The following CREBBP variants were observed in gnomAD, a reference collection of about 807,000 sequenced individuals.
CREBBP encodes CREB binding lysine acetyltransferase, also known as CREB-binding protein.
In CREBBP, 19 loss-of-function variants were observed where a neutral mutation model predicts 265.0. The ratio of observed to expected loss-of-function variants is 0.07; its 90% confidence interval spans 0.05 to 0.11. The LOEUF (loss-of-function observed/expected upper bound fraction) is 0.11, where lower values mean the gene tolerates loss of function less well. Among genes scored for constraint, CREBBP ranks in the 10% least tolerant of loss-of-function variants. The probability of loss-of-function intolerance (pLI) is 1.00; values close to 1 mark genes in which losing one functional copy is unlikely to be tolerated. For synonymous variants in CREBBP, 1,457 were observed against 1,223.7 expected (o/e 1.19, Z -3.98); for missense variants, 2,525 against 3,219.0 (o/e 0.78, Z 5.22).
At chr16:3,755,924 T>C (rs192893265) in intron 19 of CREBBP, among the ~76,000 whole-genome samples, 29 of 152,300 alleles carry the variant, frequency 1.9e-4, no homozygotes, top group Admixed American at 1.5e-3. Context: ...TTATTCCTAA[T>C]AGAAAAGGCT....
At chr16:3,875,355 A>C (rs2055378385) in intron 1 of CREBBP, among the ~76,000 whole-genome samples, 1 of 152,150 alleles carries the variant, frequency 6.6e-6, no homozygotes, top group South Asian at 2.1e-4. Flanking sequence ...TAGTCCTAAA[A>C]GTCTCTATGA....
chr16:3,773,945 G>C lies in CREBBP; in HGVS notation c.2284-15C>G, dbSNP rs2053076453. The C allele has an allele frequency of 6.2e-7, 1 of 1,612,092 alleles. No individual in the cohort carries two copies. The highest frequency in any genetic ancestry group is 8.5e-7 in the Non-Finnish European group (1 of 1,179,950). ...GAAATGGCCATCTACGAGACAACAA[G>C]CACCACCAGAGCTGTAGTTCGGAAG... is the stretch of plus-strand genomic sequence containing the variant. On this transcript the variant is annotated splice_polypyrimidine_tract_variant and intron_variant, in intron 12 of 30. Coordinates refer to ENST00000262367, the MANE Select transcript of CREBBP (RefSeq NM_004380.3).
chr16:3,797,022 G>A (rs1219965670), intron 3 of CREBBP, among the ~76,000 whole-genome samples: 1 of 152,176 alleles, frequency 6.6e-6, no homozygotes, highest in Non-Finnish European at 1.5e-5. Flanking sequence ...CCAGGCTGGT[G>A]TTCAATGAGC....
rs577594394 is a variant in CREBBP, at chr16:3,757,424, T to G, written c.3610-48A>C. 224 of 1,409,712 alleles carry G rather than the reference T, an allele frequency of 1.6e-4. No individual in the cohort carries two copies. In the East Asian group the frequency reaches 4.9e-3, roughly 31 times the overall value. 87.3% of individuals were successfully genotyped at this position (1,409,712 alleles called of 1,614,324 possible). A position where few individuals can be genotyped will look rare whatever the true frequency, so the allele number is the denominator to read the frequency against. ...CTTTTATATAAAAATACATTCCATT[T>G]ACTGTCTTATAATGTTCTAGTCTAC... On this transcript the variant is annotated intron_variant, in intron 18 of 30. Transcript: ENST00000262367.
intron 28 of CREBBP, among the ~76,000 whole-genome samples, chr16:3,735,216 C>T (rs1364661187): frequency 6.6e-6 from 1 of 152,222 alleles, no homozygotes; most frequent in East Asian, 1.9e-4. Flanking sequence ...CTCTGCCACG[C>T]TCAGAGCACA....
rs2141247232 is a variant in CREBBP at position 3,781,217 on chromosome 16, G to A, written c.1663C>T (p.Leu555=). 1 of 1,613,902 alleles carries A rather than the reference G, an allele frequency of 6.2e-7. No individual in the cohort carries two copies. The highest frequency in any genetic ancestry group is 8.5e-7 in the Non-Finnish European group (1 of 1,179,848). Residue 555 remains leucine (L), a synonymous_variant, in exon 7 of 31, where the codon CTG becomes TTG. Transcript: ENST00000262367. ...ACAGGGTCTTACTTTGTGGCCCCCA[G>A]GGAAGTCGGAAGAGCTGATTCTGAA... ...LISESALPTS[L]GATNPLMNDG...
rs2151300086 is a variant in CREBBP, at chr16:3,728,074, G to A, written c.6973C>T (p.Pro2325Ser). 1.2e-6 allele frequency: 2 copies of A among 1,614,118 alleles called. No homozygotes were observed. Among genetic ancestry groups the A allele is most frequent in the African/African-American group, 1.3e-5 (1 of 75,064 alleles). The change falls in exon 31 of 31, where the codon CCA becomes TCA. Residue 2325 changes from proline to serine, a missense_variant. This residue lies in a region of CREBBP where 473 missense variants were observed against 459.3 expected (regional missense o/e 1.03). Transcript: ENST00000262367. The surrounding 1 kb of genome is among the most constrained non-coding windows in gnomAD (Gnocchi z 8.7). ...TGGCCAGGGAGATGCGAGGCCTGTGGCTGTCCTGAGAGCATGTGTTGCTGG... is the reference window on the plus strand; with the variant it reads ...TGGCCAGGGAGATGCGAGGCCTGTGACTGTCCTGAGAGCATGTGTTGCTGG... The part of the protein sequence containing the change: ...SPQQHMLSGQ[P>S]QASHLPGQQI...
At position 3,880,027 on chromosome 16, in the gene CREBBP, C is replaced by G; in HGVS notation, c.-111G>C. On this transcript the variant is annotated 5_prime_UTR_variant, in exon 1 of 31. Transcript: ENST00000262367. ...GAGGGAGAGGAGCGAGCGCGGGCCG[C>G]GAGCGGGCGGGCGGGCGCCGAGGGA... 1.1e-6 allele frequency: 1 copy of G among 946,798 alleles called. No individual in the cohort carries two copies. Among genetic ancestry groups the G allele is most frequent in the Non-Finnish European group, 1.4e-6 (1 of 724,550 alleles). 58.6% of individuals were successfully genotyped at this position (946,798 alleles called of 1,614,324 possible). A position where few individuals can be genotyped will look rare whatever the true frequency, so the allele number is the denominator to read the frequency against.
intron 2 of CREBBP, among the ~76,000 whole-genome samples, chr16:3,818,098 A>C (rs6500553): frequency 0.12 from 18,453 of 151,946 alleles, 3,385 homozygotes; most frequent in African/African-American, 0.4. Context: ...TCCAAACGTC[A>C]TTTTGAAGTG....
At chr16:3,735,629 C>T (rs1324794204) in intron 28 of CREBBP, among the ~76,000 whole-genome samples, 2 of 152,162 alleles carry the variant, frequency 1.3e-5, no homozygotes, top group Non-Finnish European at 2.9e-5. Context: ...GTCTGCACTG[C>T]CTGGCACTCA....
chr16:3,730,337 A>G (rs2051880395), intron 30 of CREBBP, among the ~76,000 whole-genome samples: 1 of 152,170 alleles, frequency 6.6e-6, no homozygotes, highest in Admixed American at 6.5e-5. Flanking sequence ...CCAGACAGTG[A>G]AAGGCTGAGG....
intron 1 of CREBBP, among the ~76,000 whole-genome samples, chr16:3,858,612 G>C (rs1334707783): frequency 1.6e-4 from 24 of 152,180 alleles, no homozygotes; most frequent in African/African-American, 5.3e-4. Flanking sequence ...TGCTGAATGA[G>C]TGCTCACATT....
At chr16:3,809,784 G>A (rs890042157) in intron 3 of CREBBP, among the ~76,000 whole-genome samples, 2 of 152,072 alleles carry the variant, frequency 1.3e-5, no homozygotes, top group African/African-American at 4.8e-5. Context: ...AAGACAAAAA[G>A]CAACTTTTTC....
In CREBBP at chr16:3,782,831, T is replaced by C. The variant is rs541272538; in HGVS notation, c.1426A>G (p.Ile476Val). 5 of 1,613,986 alleles carry C rather than the reference T, an allele frequency of 3.1e-6. No homozygotes were observed. Among genetic ancestry groups the C allele is most frequent in the Non-Finnish European group, 4.2e-6 (5 of 1,180,036 alleles). The change falls in exon 6 of 31, where the codon ATA becomes GTA. Residue 476 changes from isoleucine (I) to valine (V), a missense_variant. Coordinates refer to ENST00000262367, the MANE Select transcript of CREBBP (RefSeq NM_004380.3). ...NATSLSNPNPIDPSSMQRAYA... is the reference protein window; with the variant it reads ...NATSLSNPNPVDPSSMQRAYA... ...GCTCGCTGCATGGAGCTGGGGTCTA[T>C]GGGATTTGGGTTACTTAAAGAAGTG...
chr16:3,856,237 C>A (rs1429209920), intron 1 of CREBBP, among the ~76,000 whole-genome samples: 1 of 152,090 alleles, frequency 6.6e-6, no homozygotes, highest in Non-Finnish European at 1.5e-5. Flanking sequence ...CCAATTCTCC[C>A]GCTTCAGCCC....
At chr16:3,769,580 C>T (rs1052277179) in intron 14 of CREBBP, among the ~76,000 whole-genome samples, 1 of 152,198 alleles carries the variant, frequency 6.6e-6, no homozygotes, top group African/African-American at 2.4e-5. Flanking sequence ...GCAGAGGAAA[C>T]AGCAGAGCTT....
In CREBBP at chr16:3,781,227, A is replaced by G; in HGVS notation, c.1653T>C (p.Leu551=). The part of the protein sequence containing the change: ...QPPNLISESA[L]PTSLGATNPL... ...ACTTTGTGGCCCCCAGGGAAGTCGG[A>G]AGAGCTGATTCTGAAATCAAGTTTG... Residue 551 remains leucine, a synonymous_variant, in exon 7 of 31, where the codon CTT becomes CTC. Coordinates refer to ENST00000262367, the MANE Select transcript of CREBBP (RefSeq NM_004380.3). 6.2e-7 allele frequency: 1 copy of G among 1,614,068 alleles called. No individual in the cohort carries two copies. The highest frequency in any genetic ancestry group is 8.5e-7 in the Non-Finnish European group (1 of 1,179,960).
intron 26 of CREBBP, 150 bp from the exon 27 acceptor site, chr16:3,736,965 G>A (rs1024210700): frequency 9.4e-6 from 9 of 960,776 alleles, no homozygotes; most frequent in African/African-American, 6.5e-5. Flanking sequence ...TGTGGTGGGG[G>A]CAAGGCTCGA....
chr16:3,728,574 T>G lies in CREBBP; in HGVS notation c.6473A>C (p.Gln2158Pro), dbSNP rs2051816277. 6.2e-7 allele frequency: 1 copy of G among 1,614,036 alleles called. No homozygotes were observed. Among genetic ancestry groups the G allele is most frequent in the Non-Finnish European group, 8.5e-7 (1 of 1,179,992 alleles). Residue 2158 changes from glutamine to proline, a missense_variant, in exon 31 of 31, where the codon CAG becomes CCG. By Grantham distance (76) the Gln-to-Pro change is moderately conservative. Transcript: ENST00000262367. The surrounding 1 kb of genome is among the most constrained non-coding windows in gnomAD (Gnocchi z 8.7). ...GVPRPGVPPQ[Q>P]QAMGGLNPQG... ...GGGGTTCAGGCCTCCCATCGCCTGC[T>G]GCTGTGGAGGCACACCGGGCCGCGG...
Sources: allele counts gnomAD v4.1 joint callset (sites outside exome capture counted in the v4.1 genomes callset), GRCh38; gene constraint gnomAD v4.1.1; regional missense constraint gnomAD v4.1.1; non-coding constraint Gnocchi (gnomAD v3.1); transcripts MANE v1.5; gene names NCBI Gene and HGNC (gene_info 2026-07-23, HGNC 2026-07-21).